Variants in ITPR1 observed in about 807,000 individuals in gnomAD.
ITPR1 encodes the protein inositol 1,4,5-trisphosphate receptor type 1.
In ITPR1, 96 loss-of-function variants were observed where a neutral mutation model predicts 318.4. That is an observed-to-expected ratio of 0.30 (90% CI 0.26 to 0.36). The LOEUF is 0.36. Among genes scored for constraint, ITPR1 ranks in the 10% least tolerant of loss-of-function variants. The pLI is 1.00. For synonymous variants in ITPR1, 1,312 were observed against 1,289.9 expected, an observed-to-expected ratio of 1.02 and a Z score of -0.37; for missense variants, 2,440 against 3,460.2, an observed-to-expected ratio of 0.71 and a Z score of 7.40.
At chr3:4,639,720 A>G (rs1289156527) in intron 6 of ITPR1, among the ~76,000 whole-genome samples, 1 of 152,124 alleles carries the variant, frequency 6.6e-6, no homozygotes, top group Non-Finnish European at 1.5e-5. Flanking sequence ...AGACACTTCA[A>G]ATGGGAAGCT....
chr3:4,548,533 G>A lies in ITPR1; in HGVS notation c.163+27439G>A, dbSNP rs376240579. 1.9e-4 allele frequency among the ~76,000 whole-genome samples: 29 copies of A among 152,108 alleles called. 1 individual carries two copies. Among genetic ancestry groups the A allele is most frequent in the Non-Finnish European group, 2.9e-4 (20 of 68,036 alleles). Reference sequence around the variant, plus strand: ...ATTTCAGCACCTTTTCCCGAAGCCCGTATGCCTCCTTATGAAATGTACAGG... The same window carrying A: ...ATTTCAGCACCTTTTCCCGAAGCCCATATGCCTCCTTATGAAATGTACAGG... On this transcript the variant is annotated intron_variant, in intron 4 of 61. Transcript: ENST00000649015.
In ITPR1 at chr3:4,685,101, A is replaced by G. The variant is rs1489063012; in HGVS notation, c.3597A>G (p.Gln1199=). The change falls in exon 30 of 62, where the codon CAA becomes CAG. Residue 1199 remains glutamine, a synonymous_variant. Coordinates refer to ENST00000649015, the MANE Select transcript of ITPR1 (RefSeq NM_001378452.1). ...TTCGGCTTAGCAAACTCTGTGTTCA[A>G]GAGAGTGCCTCAGTGAGAAAGAGCA... is the stretch of plus-strand genomic sequence containing the variant. ...ILIRLSKLCV[Q]ESASVRKSRK... 6.2e-7 allele frequency: 1 copy of G among 1,611,314 alleles called. No individual in the cohort carries two copies. Among genetic ancestry groups the G allele is most frequent in the Admixed American group, 1.7e-5 (1 of 59,736 alleles).
chr3:4,569,207 GT>G (rs143691545), intron 4 of ITPR1, among the ~76,000 whole-genome samples: 3,694 of 152,230 alleles, frequency 0.024, 159 homozygotes, highest in African/African-American at 0.084. Flanking sequence ...TCCCATGAAA[GT>G]TTTTTAAGCT....
chr3:4,594,074 C>T, intron 4 of ITPR1, among the ~76,000 whole-genome samples: 1 of 152,176 alleles, frequency 6.6e-6, no homozygotes, highest in African/African-American at 2.4e-5. Flanking sequence ...TGGAGGTGGC[C>T]ATAGGTAGAA....
intron 4 of ITPR1, among the ~76,000 whole-genome samples, chr3:4,574,395 A>G (rs1267150001): frequency 6.6e-6 from 1 of 152,244 alleles, no homozygotes. Flanking sequence ...ATTTTAAAGC[A>G]TTATAAAGCA....
intron 4 of ITPR1, among the ~76,000 whole-genome samples, chr3:4,560,765 C>G (rs897876613): frequency 3.9e-5 from 6 of 152,140 alleles, no homozygotes; most frequent in Non-Finnish European, 8.8e-5. Flanking sequence ...TAATCTATCC[C>G]CAAGGTCTCA....
chr3:4,756,923 G>A (rs1559841572), intron 44 of ITPR1, among the ~76,000 whole-genome samples: 1 of 152,236 alleles, frequency 6.6e-6, no homozygotes, highest in Non-Finnish European at 1.5e-5. Flanking sequence ...TTCCATCTGA[G>A]TAGTTCTTGG....
Position 4,836,735 on chromosome 3 carries a change from C to CTTTT in ITPR1, c.8029-18_8029-15dup, listed in dbSNP as rs201029025. 423 of 1,070,206 alleles carry CTTTT rather than the reference C, an allele frequency of 4.0e-4. 4 individuals carry two copies. The African/African-American group carries it at 7.2e-3, about 18-fold the overall frequency. The allele number at this position is 1,070,206 out of a possible 1,614,324, so 66.3% of individuals were successfully genotyped here. A position where few individuals can be genotyped will look rare whatever the true frequency, so the allele number is the denominator to read the frequency against. On this transcript the variant is annotated intron_variant, in intron 60 of 61. Coordinates refer to ENST00000649015, the MANE Select transcript of ITPR1 (RefSeq NM_001378452.1). ...TTTTTACCTCTAGAAGTGACTCAGT[C>CTTTT]TTTTTTTTTTTTTTTTTTTTTTTTA... is the stretch of plus-strand genomic sequence containing the variant.
intron 4 of ITPR1, among the ~76,000 whole-genome samples, chr3:4,560,064 G>A (rs972653215): frequency 3.9e-5 from 6 of 152,138 alleles, no homozygotes; most frequent in African/African-American, 1.4e-4. Flanking sequence ...CTGTAAAATG[G>A]AGAAAATAGT....
At chr3:4,825,012 G>A (rs1024805636) in intron 60 of ITPR1, among the ~76,000 whole-genome samples, 3 of 152,196 alleles carry the variant, frequency 2.0e-5, no homozygotes, top group African/African-American at 4.8e-5. Context: ...GGAGAAGGAC[G>A]ATTCACTACA....
chr3:4,543,796 C>G (rs2084701320), intron 4 of ITPR1, among the ~76,000 whole-genome samples: 1 of 152,166 alleles, frequency 6.6e-6, no homozygotes, highest in Non-Finnish European at 1.5e-5. Flanking sequence ...GAAAATCCAC[C>G]TAATAGTGGC....
chr3:4,683,899 T>TACCTAAAACTAGGGAGCATCCTCTTCTGG, intron 28 of ITPR1, 101 bp downstream of exon 28: 1 of 1,077,120 alleles, frequency 9.3e-7, no homozygotes, highest in Non-Finnish European at 1.3e-6. Context: ...ATAGGATTTA[T>TACCTAAAACTAGGGAGCATCCTCTTCTGG]TTTCAAGAGA....
At chr3:4,539,566 T>C (rs1212356256) in intron 4 of ITPR1, among the ~76,000 whole-genome samples, 1 of 152,216 alleles carries the variant, frequency 6.6e-6, no homozygotes, top group East Asian at 1.9e-4. Context: ...TTAAAACTCA[T>C]AGAACTGTAT....
chr3:4,629,745 C>T (rs1334468438), intron 5 of ITPR1, among the ~76,000 whole-genome samples: 1 of 152,190 alleles, frequency 6.6e-6, no homozygotes, highest in Non-Finnish European at 1.5e-5. Flanking sequence ...GCTGTGGGAG[C>T]ACATAGGAAG....
chr3:4,810,402 T>C (rs2048858948), intron 55 of ITPR1, among the ~76,000 whole-genome samples: 1 of 152,214 alleles, frequency 6.6e-6, no homozygotes, highest in South Asian at 2.1e-4. Context: ...CATACCTATA[T>C]GTACCTACAA....
chr3:4,824,210 C>T lies in ITPR1; in HGVS notation c.8028+5968C>T, dbSNP rs373251939. Among the ~76,000 whole-genome samples the T allele has an allele frequency of 3.3e-5, 5 of 152,166 alleles. No homozygotes were observed. The East Asian group carries it at 5.8e-4, about 18-fold the overall frequency. On this transcript the variant is annotated intron_variant, in intron 60 of 61. Coordinates refer to ENST00000649015, the MANE Select transcript of ITPR1 (RefSeq NM_001378452.1). ...TTCTGGAGGAGCAGTCTGTGCTGGG[C>T]TCTGCTTTACCTCGGGAAGGGCAGA...
Position 4,688,411 on chromosome 3 carries a change from C to T in ITPR1, c.3703-84C>T, listed in dbSNP as rs143434144. The stretch of plus-strand genomic sequence containing the variant: ...TCCCCAGCAAACACCTTCTGACTCC[C>T]ACGTTAGCAGGAGGTGTTGGGTATA... On this transcript the variant is annotated intron_variant, in intron 30 of 61. Transcript: ENST00000649015. 32 of 1,529,948 alleles carry T rather than the reference C, an allele frequency of 2.1e-5. No homozygotes were observed. The South Asian group carries it at 3.5e-4, about 17-fold the overall frequency. The allele number at this position is 1,529,948 out of a possible 1,614,324, so 94.8% of individuals were successfully genotyped here.
intron 12 of ITPR1, among the ~76,000 whole-genome samples, chr3:4,655,168 G>T (rs895720254): frequency 6.6e-6 from 1 of 152,200 alleles, no homozygotes; most frequent in African/African-American, 2.4e-5. Flanking sequence ...GATGGTTCTT[G>T]TCCTTGCACC....
intron 6 of ITPR1, 106 bp from the exon 7 acceptor site, chr3:4,641,987 C>T (rs2093349639): frequency 1.2e-6 from 1 of 852,724 alleles, no homozygotes; most frequent in South Asian, 2.9e-5. Flanking sequence ...ACCAGCAGCT[C>T]AATGGTGGGA....
Sources: gnomAD v4.1 joint callset for allele counts (sites outside exome capture counted in the v4.1 genomes callset) on GRCh38, gnomAD v4.1.1 for gene constraint, MANE v1.5 for transcripts, NCBI Gene and HGNC (gene_info 2026-07-23, HGNC 2026-07-21) for gene names.